PDE8B: variants seen among roughly 807,000 people sequenced by gnomAD.
PDE8B encodes the protein high affinity cAMP-specific and IBMX-insensitive 3',5'-cyclic phosphodiesterase 8B.
A neutral mutation model predicts 101.3 loss-of-function variants in PDE8B; 26 were observed. That is an observed-to-expected ratio of 0.26 (90% CI 0.19 to 0.36). The LOEUF (loss-of-function observed/expected upper bound fraction) is 0.36, where lower values mean the gene tolerates loss of function less well. Among genes scored for constraint, PDE8B ranks in the 10% least tolerant of loss-of-function variants. The pLI, the probability that PDE8B is intolerant of heterozygous loss-of-function variation, is 1.00. For synonymous variants in PDE8B, 424 were observed against 429.3 expected, an observed-to-expected ratio of 0.99 and a Z score of 0.15; for missense variants, 810 against 1,163.1, an observed-to-expected ratio of 0.70 and a Z score of 4.42.
rs1769306955 is a variant in PDE8B, at chr5:77,299,227, A to T, written c.340-12767A>T. ...TTACAGAATTACAGCAAGATTGGGA[A>T]CATGAGAGTTGTTTTTTTGTTTGTT... is the stretch of plus-strand genomic sequence containing the variant. On this transcript the variant is annotated intron_variant, in intron 1 of 21. Transcript: ENST00000264917. 2.0e-5 allele frequency among the ~76,000 whole-genome samples: 3 copies of T among 150,802 alleles called. No individual in the cohort carries two copies. In the South Asian group the frequency reaches 6.3e-4, roughly 32 times the overall value.
intron 5 of PDE8B, among the ~76,000 whole-genome samples, chr5:77,333,025 C>G (rs1777452370): frequency 6.6e-6 from 1 of 151,498 alleles, no homozygotes; most frequent in African/African-American, 2.4e-5. Flanking sequence ...CACAGAGAAG[C>G]AAAAACTACC....
At chr5:77,149,262 A>C in the PDE8B span, among the ~76,000 whole-genome samples, 2 of 152,186 alleles carry the variant, frequency 1.3e-5, no homozygotes, top group Non-Finnish European at 2.9e-5. Flanking sequence ...ATCACAGTGT[A>C]TTCATGTGGC....
At chr5:77,345,942 A>G (rs2150400948) in intron 7 of PDE8B, among the ~76,000 whole-genome samples, 1 of 152,252 alleles carries the variant, frequency 6.6e-6, no homozygotes, top group East Asian at 1.9e-4. Context: ...AATGACATCA[A>G]TAGCCCACCC....
chr5:77,318,055 CAAAA>C (rs55952764), intron 2 of PDE8B, among the ~76,000 whole-genome samples: 2 of 57,188 alleles, frequency 3.5e-5, no homozygotes, highest in South Asian at 8.7e-4. Context: ...GACTCCATCT[CAAAA>C]AAAAAAAAAA....
chr5:77,230,856 A>T (rs545306874), intron 1 of PDE8B, among the ~76,000 whole-genome samples: 11 of 152,248 alleles, frequency 7.2e-5, no homozygotes, highest in Non-Finnish European at 1.3e-4. Flanking sequence ...CTGGAGGAAA[A>T]GCAAGAGACT....
At chr5:77,262,655 T>C (rs1371945408) in intron 1 of PDE8B, among the ~76,000 whole-genome samples, 2 of 152,242 alleles carry the variant, frequency 1.3e-5, no homozygotes, top group Non-Finnish European at 2.9e-5. Flanking sequence ...ATCTTTCTTG[T>C]TGCATACCGG....
intron 1 of PDE8B, among the ~76,000 whole-genome samples, chr5:77,226,202 T>C (rs1284501583): frequency 6.7e-6 from 1 of 150,062 alleles, no homozygotes; most frequent in Non-Finnish European, 1.5e-5. Flanking sequence ...TAAAATATGG[T>C]ATATTCAGAG....
At position 77,210,874 on chromosome 5, in the gene PDE8B, G is replaced by T; in HGVS notation, c.-52G>T. ...ACTGCAGGTGGCAGCGGGTGCGCTG[G>T]GTCCCGGCGGCCGCGGGCGCGGGCG... is the stretch of plus-strand genomic sequence containing the variant. On this transcript the variant is annotated 5_prime_UTR_variant, in exon 1 of 22. Coordinates refer to ENST00000264917, the MANE Select transcript of PDE8B (RefSeq NM_003719.5). This position sits in a 1 kb window ranked among gnomAD's most constrained non-coding sequence, Gnocchi z 4.9. 8.2e-7 allele frequency: 1 copy of T among 1,216,008 alleles called. No individual in the cohort carries two copies. The highest frequency in any genetic ancestry group is 1.0e-6 in the Non-Finnish European group (1 of 981,136). The allele number at this position is 1,216,008 out of a possible 1,614,324, so 75.3% of individuals were successfully genotyped here.
chr5:77,314,101 G>A (rs997785682), intron 2 of PDE8B, among the ~76,000 whole-genome samples: 1 of 151,998 alleles, frequency 6.6e-6, no homozygotes. Flanking sequence ...GTGTGAGGTA[G>A]GGGCTTTATT....
the PDE8B span, among the ~76,000 whole-genome samples, chr5:77,150,001 A>G: frequency 6.6e-6 from 1 of 152,226 alleles, no homozygotes; most frequent in African/African-American, 2.4e-5. Context: ...ATTTATGAGC[A>G]TGTGGGGTAA....
chr5:77,375,290 G>T (rs1221562142), intron 10 of PDE8B, among the ~76,000 whole-genome samples: 1 of 152,152 alleles, frequency 6.6e-6, no homozygotes, highest in Admixed American at 6.5e-5. Context: ...AAGACTGTGG[G>T]AACCACTGCT....
At chr5:77,224,452 C>T (rs994403066) in intron 1 of PDE8B, among the ~76,000 whole-genome samples, 1 of 152,120 alleles carries the variant, frequency 6.6e-6, no homozygotes, top group Admixed American at 6.5e-5. Context: ...TAAGACTATT[C>T]TTTTATTTAT....
the PDE8B span, chr5:77,092,607 A>C: frequency 6.6e-6 from 1 of 152,242 alleles, no homozygotes; most frequent in Non-Finnish European, 1.5e-5. Flanking sequence ...CAGCCTTGAA[A>C]TCTGCTATCA....
At chr5:77,215,866 C>T (rs903474750) in intron 1 of PDE8B, among the ~76,000 whole-genome samples, 1 of 152,168 alleles carries the variant, frequency 6.6e-6, no homozygotes. Context: ...ATGTTGGGGC[C>T]AGGCAGGCAA....
the PDE8B span, among the ~76,000 whole-genome samples, chr5:77,094,027 C>A: frequency 2.0e-5 from 3 of 151,906 alleles, no homozygotes; most frequent in African/African-American, 7.3e-5. Flanking sequence ...CTTCCATAGT[C>A]CTGGAGGTTT....
intron 7 of PDE8B, among the ~76,000 whole-genome samples, chr5:77,349,209 C>G (rs1281508837): frequency 6.6e-6 from 1 of 152,040 alleles, no homozygotes; most frequent in Non-Finnish European, 1.5e-5. Flanking sequence ...AAATTGCTGC[C>G]AGGAAGGAGG....
At chr5:77,284,750 G>A (rs1465561886) in intron 1 of PDE8B, among the ~76,000 whole-genome samples, 1 of 152,064 alleles carries the variant, frequency 6.6e-6, no homozygotes, top group Non-Finnish European at 1.5e-5. Flanking sequence ...TTTATGTCTG[G>A]CTTCTTTTGC....
At chr5:77,386,816 T>C (rs1788741974) in intron 10 of PDE8B, among the ~76,000 whole-genome samples, 1 of 150,904 alleles carries the variant, frequency 6.6e-6, no homozygotes, top group African/African-American at 2.4e-5. Flanking sequence ...AATTTGATCC[T>C]GTCATTATGA....
the PDE8B span, among the ~76,000 whole-genome samples, chr5:77,158,413 A>G: frequency 1.9e-4 from 29 of 152,366 alleles, 1 homozygote; most frequent in African/African-American, 7.0e-4. Flanking sequence ...TTAAGGAAGT[A>G]GGTAGTATTT....
Sources: allele counts gnomAD v4.1 joint callset (sites outside exome capture counted in the v4.1 genomes callset), GRCh38; gene constraint gnomAD v4.1.1; non-coding constraint Gnocchi (gnomAD v3.1); transcripts MANE v1.5; gene names NCBI Gene and HGNC (gene_info 2026-07-23, HGNC 2026-07-21).